The following PRKG1 variants were observed in gnomAD, a reference collection of about 807,000 sequenced individuals.
The protein encoded by PRKG1 is cGMP-dependent protein kinase 1.
PRKG1 carries 35 observed loss-of-function variants against 88.1 expected under a neutral mutation model. The ratio of observed to expected loss-of-function variants is 0.40; its 90% CI spans 0.30 to 0.53. The LOEUF (loss-of-function observed/expected upper bound fraction) is 0.53, where lower values mean the gene tolerates loss of function less well. Ranked by LOEUF, PRKG1 falls within the 20% of genes least tolerant of loss-of-function variation. The pLI, the probability that PRKG1 is intolerant of heterozygous loss-of-function variation, is 0.59. For missense variants in PRKG1, 540 were observed against 839.8 expected (o/e 0.64, Z 4.41); for synonymous variants, 303 against 292.5 (o/e 1.04, Z -0.37).
intron 9 of PRKG1, among the ~76,000 whole-genome samples, chr10:52,226,083 A>AT (rs1840383170): frequency 6.9e-6 from 1 of 145,780 alleles, no homozygotes; most frequent in East Asian, 2.0e-4. Context: ...GCCAGCATCT[A>AT]TAACAGTGCC....
chr10:51,274,070 G>A (rs912074607), intron 2 of PRKG1, among the ~76,000 whole-genome samples: 3 of 152,116 alleles, frequency 2.0e-5, no homozygotes, highest in Non-Finnish European at 4.4e-5. Flanking sequence ...CATTCATGTA[G>A]AGCCCAAATT....
chr10:51,827,998 C>T (rs183432458), intron 4 of PRKG1, among the ~76,000 whole-genome samples: 1 of 152,248 alleles, frequency 6.6e-6, no homozygotes, highest in Non-Finnish European at 1.5e-5. Flanking sequence ...CTGTGGACAA[C>T]TACTTTTCAT....
chr10:51,645,343 T>G, intron 3 of PRKG1, among the ~76,000 whole-genome samples: 1 of 152,208 alleles, frequency 6.6e-6, no homozygotes, highest in East Asian at 1.9e-4. Flanking sequence ...CAAGCCATAT[T>G]AAAACATTTT....
chr10:52,103,074 C>T (rs1281538830), intron 7 of PRKG1, among the ~76,000 whole-genome samples: 1 of 152,138 alleles, frequency 6.6e-6, no homozygotes, highest in Non-Finnish European at 1.5e-5. Flanking sequence ...TTGAACTGCA[C>T]ATGCGAGGGA....
In PRKG1 at chr10:51,404,146, G is replaced by A. The variant is rs925956340; in HGVS notation, c.479-63577G>A. On this transcript the variant is annotated intron_variant, in intron 2 of 17. Coordinates refer to ENST00000373980, the MANE Select transcript of PRKG1 (RefSeq NM_006258.4). ...ATTAGGAACGGCCCTGTAAGCAAAC[G>A]TGATGTAGCTCACACTTTCTCAAAT... Among the ~76,000 whole-genome samples, 4 of 152,174 alleles carry A rather than the reference G, an allele frequency of 2.6e-5. No individual in the cohort carries two copies. The East Asian group carries it at 5.8e-4, about 22-fold the overall frequency.
At chr10:51,851,233 A>G (rs971336896) in intron 4 of PRKG1, among the ~76,000 whole-genome samples, 10 of 152,218 alleles carry the variant, frequency 6.6e-5, no homozygotes, top group African/African-American at 1.2e-4. Flanking sequence ...ATAAAAAAGG[A>G]CTGGAAAGAT....
chr10:51,352,525 TAAC>T (rs1297680346), intron 2 of PRKG1, among the ~76,000 whole-genome samples: 1 of 151,992 alleles, frequency 6.6e-6, no homozygotes, highest in East Asian at 1.9e-4. Context: ...ACCTAGGAAT[TAAC>T]AAACAAAGAA....
At chr10:51,114,746 C>T (rs1031316493) in intron 1 of PRKG1, among the ~76,000 whole-genome samples, 1 of 151,950 alleles carries the variant, frequency 6.6e-6, no homozygotes, top group Non-Finnish European at 1.5e-5. Flanking sequence ...TTCAGCTGGA[C>T]AGTTACTGAA....
chr10:52,087,064 A>G (rs908970931), intron 7 of PRKG1, among the ~76,000 whole-genome samples: 9 of 152,170 alleles, frequency 5.9e-5, no homozygotes, highest in Admixed American at 5.9e-4. Context: ...TGGGGATTAT[A>G]GGAACTACAA....
intron 5 of PRKG1, among the ~76,000 whole-genome samples, chr10:52,052,593 C>T (rs1330101094): frequency 6.6e-6 from 1 of 151,912 alleles, no homozygotes; most frequent in South Asian, 2.1e-4. Flanking sequence ...TTCCACATGG[C>T]TGGGGAGGCC....
At chr10:52,012,264 C>G in intron 5 of PRKG1, among the ~76,000 whole-genome samples, 1 of 127,828 alleles carries the variant, frequency 7.8e-6, no homozygotes, top group South Asian at 2.3e-4. Context: ...TTTTTTGAGA[C>G]AGGGTCTGAC....
rs188807635 is a variant in PRKG1, at chr10:51,540,978, A to G, written c.592+73142A>G. 2.4e-3 allele frequency among the ~76,000 whole-genome samples: 371 copies of G among 152,270 alleles called. 6 individuals are homozygous for G. The highest frequency in any genetic ancestry group is 6.6e-4 in the Non-Finnish European group (45 of 68,014). On this transcript the variant is annotated intron_variant, in intron 3 of 17. Coordinates refer to ENST00000373980, the MANE Select transcript of PRKG1 (RefSeq NM_006258.4). The stretch of plus-strand genomic sequence containing the variant: ...ATGATCCATCCACCTGGGCCTCCCA[A>G]AGTGCTGGGATTACAGGCGTGAGCC...
chr10:51,193,204 G>A (rs991987146), intron 2 of PRKG1, among the ~76,000 whole-genome samples: 2 of 151,994 alleles, frequency 1.3e-5, no homozygotes, highest in Non-Finnish European at 2.9e-5. Flanking sequence ...GAGTATGACA[G>A]TTTGGGGAAT....
At chr10:51,483,494 T>G (rs184956432) in intron 3 of PRKG1, among the ~76,000 whole-genome samples, 157 of 152,326 alleles carry the variant, frequency 1.0e-3, no homozygotes, top group African/African-American at 3.8e-3. Flanking sequence ...TGTATCTCAA[T>G]CTGAATAGTG....
intron 7 of PRKG1, among the ~76,000 whole-genome samples, chr10:52,101,715 C>A (rs992989965): frequency 2.6e-5 from 4 of 152,120 alleles, no homozygotes; most frequent in African/African-American, 9.7e-5. Flanking sequence ...ATACCTTGGC[C>A]AAGGCGACCT....
At chr10:51,247,686 T>TGATA (rs1349868267) in intron 2 of PRKG1, among the ~76,000 whole-genome samples, 1 of 151,986 alleles carries the variant, frequency 6.6e-6, no homozygotes, top group Non-Finnish European at 1.5e-5. Flanking sequence ...GTAGAATGAA[T>TGATA]GATACATCAA....
At chr10:51,048,891 C>A (rs576960219) in intron 1 of PRKG1, among the ~76,000 whole-genome samples, 1 of 151,776 alleles carries the variant, frequency 6.6e-6, no homozygotes, top group East Asian at 1.9e-4. Flanking sequence ...ATGCTGTTAC[C>A]ATGCACCGCA....
intron 4 of PRKG1, among the ~76,000 whole-genome samples, chr10:51,816,066 C>T (rs1163764971): frequency 6.6e-6 from 1 of 152,156 alleles, no homozygotes; most frequent in Non-Finnish European, 1.5e-5. Flanking sequence ...TTTGACAGCT[C>T]CTTTAAGAAA....
intron 1 of PRKG1, among the ~76,000 whole-genome samples, chr10:51,027,145 G>T (rs1460537480): frequency 2.0e-5 from 3 of 152,158 alleles, no homozygotes; most frequent in African/African-American, 7.2e-5. Context: ...GCTCTGGTGT[G>T]GCTGCCCAGG....
Sources: gnomAD v4.1 joint callset for allele counts (sites outside exome capture counted in the v4.1 genomes callset) on GRCh38, gnomAD v4.1.1 for gene constraint, MANE v1.5 for transcripts, NCBI Gene and HGNC (gene_info 2026-07-23, HGNC 2026-07-21) for gene names.